Variants in SEMA3C observed in about 807,000 individuals in gnomAD.
SEMA3C encodes semaphorin-3C.
SEMA3C carries 47 observed loss-of-function variants against 89.4 expected under a neutral mutation model. That is an observed-to-expected ratio of 0.53 (90% CI 0.42 to 0.67). The LOEUF is 0.67. Among genes scored for constraint, SEMA3C ranks in the 30% least tolerant of loss-of-function variants. The pLI, the probability that SEMA3C is intolerant of heterozygous loss-of-function variation, is 0.00. For synonymous variants in SEMA3C, 310 were observed against 320.2 expected (o/e 0.97, Z 0.34); for missense variants, 839 against 929.1 (o/e 0.90, Z 1.26).
intron 9 of SEMA3C, among the ~76,000 whole-genome samples, chr7:80,801,291 G>A (rs1474708687): frequency 2.0e-5 from 3 of 151,876 alleles, no homozygotes; most frequent in African/African-American, 7.3e-5. Flanking sequence ...TCTAATCTTA[G>A]GAGCTGGAAG....
At chr7:80,803,184 T>C (rs1174758298) in intron 8 of SEMA3C, among the ~76,000 whole-genome samples, 3 of 152,202 alleles carry the variant, frequency 2.0e-5, no homozygotes, top group Non-Finnish European at 4.4e-5. Flanking sequence ...GGAGAGTGAT[T>C]ATATCTTTAC....
chr7:80,774,866 T>C (rs901950029), intron 12 of SEMA3C, among the ~76,000 whole-genome samples: 1 of 152,048 alleles, frequency 6.6e-6, no homozygotes, highest in African/African-American at 2.4e-5. Context: ...TAAGGATTCA[T>C]TAATAACCAA....
At chr7:80,764,045 T>G (rs1788243735) in intron 13 of SEMA3C, among the ~76,000 whole-genome samples, 1 of 152,222 alleles carries the variant, frequency 6.6e-6, no homozygotes, top group South Asian at 2.1e-4. Context: ...TATTTTATAT[T>G]TCTTTACATT....
intron 2 of SEMA3C, among the ~76,000 whole-genome samples, chr7:80,835,851 A>C (rs1790113311): frequency 6.6e-6 from 1 of 152,178 alleles, no homozygotes; most frequent in East Asian, 1.9e-4. Context: ...CACACAAAGG[A>C]ATTAAAATTG....
intron 9 of SEMA3C, 109 bp from the exon 10 acceptor site, chr7:80,800,935 A>G: frequency 1.7e-6 from 1 of 577,444 alleles, no homozygotes. Context: ...CTGCAAAAAG[A>G]TATTCCTGTA....
In SEMA3C at chr7:80,820,554, CTA is replaced by C. The variant is rs1210057762; in HGVS notation, c.328-2138_328-2137del. On this transcript the variant is annotated intron_variant, in intron 4 of 17. Coordinates refer to ENST00000265361, the MANE Select transcript of SEMA3C (RefSeq NM_006379.5). ...ATGCAGTAATTTTATACAGATGTTT[CTA>C]TGATAGATTTTTATTATTAAATAAT... 3.3e-5 allele frequency among the ~76,000 whole-genome samples: 5 copies of C among 152,160 alleles called. No individual in the cohort carries two copies. The East Asian group carries it at 5.8e-4, about 18-fold the overall frequency.
intron 2 of SEMA3C, among the ~76,000 whole-genome samples, chr7:80,832,855 A>G (rs1271836141): frequency 6.6e-6 from 1 of 152,120 alleles, no homozygotes; most frequent in Non-Finnish European, 1.5e-5. Flanking sequence ...AGGCACCTTG[A>G]ATTGAGGTTT....
chr7:80,794,234 C>T (rs138109261), intron 11 of SEMA3C, among the ~76,000 whole-genome samples: 60 of 152,112 alleles, frequency 3.9e-4, no homozygotes, highest in Middle Eastern at 3.4e-3. Context: ...AATTTATCCA[C>T]GTCCAATCAC....
chr7:80,800,505 AATTC>A (rs1375471688), intron 10 of SEMA3C, among the ~76,000 whole-genome samples: 2 of 152,196 alleles, frequency 1.3e-5, no homozygotes, highest in Admixed American at 1.3e-4. Context: ...CCTACATTAT[AATTC>A]ATTATTTTGA....
intron 1 of SEMA3C, among the ~76,000 whole-genome samples, chr7:80,917,795 A>G (rs1333374216): frequency 6.6e-6 from 1 of 152,248 alleles, no homozygotes; most frequent in Non-Finnish European, 1.5e-5. Flanking sequence ...TTATTTTTAC[A>G]GGTTACAACA....
chr7:80,860,870 G>A (rs917875640), intron 2 of SEMA3C, among the ~76,000 whole-genome samples: 4 of 152,096 alleles, frequency 2.6e-5, no homozygotes, highest in Non-Finnish European at 5.9e-5. Flanking sequence ...CTTGGTGAGT[G>A]CTTTTCTTCT....
intron 2 of SEMA3C, among the ~76,000 whole-genome samples, chr7:80,890,995 G>A (rs559867219): frequency 3.9e-5 from 6 of 152,204 alleles, no homozygotes; most frequent in Admixed American, 3.9e-4. Context: ...CCAGGGCCTA[G>A]CACAATTAAA....
chr7:80,837,867 C>T (rs1382275811), intron 2 of SEMA3C, among the ~76,000 whole-genome samples: 3 of 152,110 alleles, frequency 2.0e-5, no homozygotes, highest in Non-Finnish European at 2.9e-5. Context: ...AAATGGTCTA[C>T]AATGTCCTGG....
intron 2 of SEMA3C, among the ~76,000 whole-genome samples, chr7:80,849,951 T>A (rs1475015804): frequency 3.3e-5 from 5 of 152,060 alleles, no homozygotes; most frequent in South Asian, 4.2e-4. Context: ...GAAACTAATT[T>A]AAAAAAATAC....
At chr7:80,850,473 C>A (rs1484647287) in intron 2 of SEMA3C, among the ~76,000 whole-genome samples, 1 of 152,096 alleles carries the variant, frequency 6.6e-6, no homozygotes, top group East Asian at 1.9e-4. Context: ...GCCAGTGAAT[C>A]TCTCAAGACA....
At chr7:80,769,860 C>A (rs949415838) in intron 12 of SEMA3C, among the ~76,000 whole-genome samples, 6 of 119,028 alleles carry the variant, frequency 5.0e-5, no homozygotes, top group African/African-American at 1.8e-4. Flanking sequence ...CTCTGTCCCC[C>A]CCCCAAAAAA....
intron 2 of SEMA3C, among the ~76,000 whole-genome samples, chr7:80,911,184 T>C (rs1045471024): frequency 6.6e-6 from 1 of 152,246 alleles, no homozygotes; most frequent in Admixed American, 6.5e-5. Context: ...ATGACATAGT[T>C]AACATGATAT....
chr7:80,787,390 TAAAAAAAAAAAAAA>T (rs1179102219), intron 12 of SEMA3C, among the ~76,000 whole-genome samples: 1 of 99,872 alleles, frequency 1.0e-5, no homozygotes, highest in Non-Finnish European at 1.9e-5. Context: ...AGACTCCGTT[TAAAAAAAAAAAAAA>T]AAAAAAAAAA....
intron 2 of SEMA3C, among the ~76,000 whole-genome samples, chr7:80,877,181 C>G (rs545467099): frequency 6.6e-6 from 1 of 152,298 alleles, no homozygotes; most frequent in Admixed American, 6.5e-5. Flanking sequence ...CATAGCAAGA[C>G]TATGAGTACA....
Sources: allele counts gnomAD v4.1 joint callset (sites outside exome capture counted in the v4.1 genomes callset), GRCh38; gene constraint gnomAD v4.1.1; transcripts MANE v1.5; gene names NCBI Gene and HGNC (gene_info 2026-07-23, HGNC 2026-07-21).